CIAO3: variants seen among roughly 807,000 people sequenced by gnomAD.
The protein encoded by CIAO3 is cytosolic iron-sulfur assembly component 3.
In CIAO3, 45 loss-of-function variants were observed where a neutral mutation model predicts 51.5. The ratio of observed to expected loss-of-function variants is 0.87; its 90% confidence interval spans 0.69 to 1.12. The LOEUF (loss-of-function observed/expected upper bound fraction) is 1.12, where lower values mean the gene tolerates loss of function less well. Among genes scored for constraint, CIAO3 ranks in the 50% most tolerant of loss-of-function variants. CIAO3 has a pLI of 0.00. For missense variants in CIAO3, 668 were observed against 632.5 expected, an observed-to-expected ratio of 1.06 and a Z score of -0.60; for synonymous variants, 314 against 269.3, an observed-to-expected ratio of 1.17 and a Z score of -1.63.
Position 730,595 on chromosome 16 carries a change from T to C in CIAO3, c.1253A>G (p.Gln418Arg). 6.2e-7 allele frequency: 1 copy of C among 1,610,880 alleles called. No homozygotes were observed. The highest frequency in any genetic ancestry group is 8.5e-7 in the Non-Finnish European group (1 of 1,179,958). ...CATGCCGTACAGTCTCTCCACGTGC[T>C]GGAGGAGCTCTCTGCTGGGCCTGTC... ...APDRPSRELL[Q>R]HVERLYGMVR... is the part of the protein sequence containing the mutation. The change falls in exon 11 of 11, where the codon CAG (glutamine) becomes CGG (arginine). Residue 418 changes from glutamine to arginine, a missense_variant. Transcript: ENST00000251588.
At chr16:736,850 G>C (rs1596674399) in intron 3 of CIAO3, 2 of 348,592 alleles carry the variant, frequency 5.7e-6, no homozygotes, top group East Asian at 6.5e-5. Flanking sequence ...TTTTAGTAGA[G>C]ACGGGGTTTC....
At chr16:736,986 T>G (rs2041345714) in intron 3 of CIAO3, 200 bp downstream of exon 3, 4 of 652,170 alleles carry the variant, frequency 6.1e-6, no homozygotes, top group Non-Finnish European at 1.0e-5. Context: ...TGATGTATAT[T>G]TAGAACCTGA....
chr16:730,757 T>G (rs1596668699), intron 10 of CIAO3, 86 bp downstream of exon 10: 1 of 1,583,328 alleles, frequency 6.3e-7, no homozygotes. Context: ...TGTGCCCCAC[T>G]TCCTCCCACT....
rs545162531 is a variant in CIAO3 at position 733,801 on chromosome 16, G to A, written c.694-374C>T. The A allele has an allele frequency of 5.6e-4, 208 of 371,694 alleles. 1 individual carries two copies. The highest frequency in any genetic ancestry group is 4.0e-3 in the African/African-American group (192 of 47,978). 23.0% of individuals were successfully genotyped at this position (371,694 alleles called of 1,614,324 possible). ...CGCGTGCAGTCAGGCAAGAGGTGCC[G>A]CAGGGGACATGGGCGCTCGAGGCCC... is the stretch of plus-strand genomic sequence containing the variant. On this transcript the variant is annotated intron_variant, in intron 6 of 10. Coordinates refer to ENST00000251588, the MANE Select transcript of CIAO3 (RefSeq NM_022493.3).
rs571548170 is a variant in CIAO3 at position 730,156 on chromosome 16, C to T, written c.*261G>A. 22 of 564,230 alleles carry T rather than the reference C, an allele frequency of 3.9e-5. No individual in the cohort carries two copies. Among genetic ancestry groups the T allele is most frequent in the South Asian group, 1.9e-4 (9 of 47,132 alleles). The allele number at this position is 564,230 out of a possible 1,614,324, so 35.0% of individuals were successfully genotyped here. A position where few individuals can be genotyped will look rare whatever the true frequency, so the allele number is the denominator to read the frequency against. ...CCTGTGGGCCTCGGCCCAGGGCCAA[C>T]GGAACAGGCTCTGGGACCTCAGGGA... On this transcript the variant is annotated 3_prime_UTR_variant, in exon 11 of 11. Transcript: ENST00000251588.
rs931766421 is a variant in CIAO3, at chr16:737,476, T to C, written c.163-147A>G. ...GCTGAATTTTTAAAAATTAGGTATG[T>C]ATTACAAAAATGCACACGCACGCTC... On this transcript the variant is annotated intron_variant, in intron 2 of 10. Coordinates refer to ENST00000251588, the MANE Select transcript of CIAO3 (RefSeq NM_022493.3). The surrounding 1 kb of genome is among the most constrained non-coding windows in gnomAD (Gnocchi z 5.3). The C allele has an allele frequency of 6.6e-7, 1 of 1,526,438 alleles. No homozygotes were observed. The highest frequency in any genetic ancestry group is 8.8e-7 in the Non-Finnish European group (1 of 1,139,594). The allele number at this position is 1,526,438 out of a possible 1,614,324, so 94.6% of individuals were successfully genotyped here. A position where few individuals can be genotyped will look rare whatever the true frequency, so the allele number is the denominator to read the frequency against.
chr16:739,552 G>A lies in CIAO3; in HGVS notation c.162+91C>T, dbSNP rs72773428. 6.2e-3 allele frequency: 7,913 copies of A among 1,280,546 alleles called. 44 individuals are homozygous for A. The highest frequency in any genetic ancestry group is 7.7e-3 in the Non-Finnish European group (6,792 of 881,758). The allele number at this position is 1,280,546 out of a possible 1,614,324, so 79.3% of individuals were successfully genotyped here. A position where few individuals can be genotyped will look rare whatever the true frequency, so the allele number is the denominator to read the frequency against. On this transcript the variant is annotated intron_variant, in intron 2 of 10. Coordinates refer to ENST00000251588, the MANE Select transcript of CIAO3 (RefSeq NM_022493.3). ...AGACTGGTGAGACCTGGAGTGTCTC[G>A]GGGTCACCGCTCTGTGACGGGAGGA...
rs1469871099 is a variant in CIAO3, at chr16:730,125, G to A, written c.*292C>T. 7 of 525,118 alleles carry A rather than the reference G, an allele frequency of 1.3e-5. No homozygotes were observed. Among genetic ancestry groups the A allele is most frequent in the Admixed American group, 6.8e-5 (2 of 29,358 alleles). 32.5% of individuals were successfully genotyped at this position (525,118 alleles called of 1,614,324 possible). A position where few individuals can be genotyped will look rare whatever the true frequency, so the allele number is the denominator to read the frequency against. On this transcript the variant is annotated 3_prime_UTR_variant, in exon 11 of 11. Transcript: ENST00000251588. ...GGGTGCCCGACCAGCAGCAGCAAGGGCAGCACCTGTGGGCCTCGGCCCAGG... is the reference window on the plus strand; with the variant it reads ...GGGTGCCCGACCAGCAGCAGCAAGGACAGCACCTGTGGGCCTCGGCCCAGG...
intron 6 of CIAO3, chr16:734,020 T>C: frequency 9.0e-6 from 5 of 553,010 alleles, no homozygotes; most frequent in South Asian, 7.8e-5. Context: ...TGCCTCTGGG[T>C]GAGCAGTGAG....
At position 737,553 on chromosome 16, in the gene CIAO3, C is replaced by T; in HGVS notation, c.163-224G>A. ...GCTTCTTGGTACCACTTGGTTAGTG[C>T]ATCCGAATCACAGGACTAAGGCTTG... On this transcript the variant is annotated intron_variant, in intron 2 of 10. Coordinates refer to ENST00000251588, the MANE Select transcript of CIAO3 (RefSeq NM_022493.3). This position sits in a 1 kb window ranked among gnomAD's most constrained non-coding sequence, Gnocchi z 5.3. 2.7e-6 allele frequency: 4 copies of T among 1,495,980 alleles called. No individual in the cohort carries two copies. Among genetic ancestry groups the T allele is most frequent in the African/African-American group, 1.4e-5 (1 of 72,286 alleles). The allele number at this position is 1,495,980 out of a possible 1,614,324, so 92.7% of individuals were successfully genotyped here.
rs1383489728 is a variant in CIAO3 at position 733,437 on chromosome 16, G to C, written c.694-10C>G. 2 of 1,613,466 alleles carry C rather than the reference G, an allele frequency of 1.2e-6. No individual in the cohort carries two copies. Among genetic ancestry groups the C allele is most frequent in the Non-Finnish European group, 1.7e-6 (2 of 1,179,932 alleles). ...TGTCAGGGGTCAAGTGCTACAAGGA[G>C]AAACAAACACTTGTCTCCCCAATCC... On this transcript the variant is annotated splice_polypyrimidine_tract_variant and intron_variant, in intron 6 of 10. Coordinates refer to ENST00000251588, the MANE Select transcript of CIAO3 (RefSeq NM_022493.3).
chr16:730,608 TGCTGG>T lies in CIAO3; in HGVS notation c.1235_1239del (p.Pro412GlnfsTer17). 6.2e-7 allele frequency: 1 copy of T among 1,610,540 alleles called. No individual in the cohort carries two copies. Among genetic ancestry groups the T allele is most frequent in the South Asian group, 1.1e-5 (1 of 91,088 alleles). ...CTCTCCACGTGCTGGAGGAGCTCTC[TGCTGG>T]GCCTGTCTGGGGCCTGGAGCTGGCC... On this transcript the variant is annotated frameshift_variant, in exon 11 of 11. Transcript: ENST00000251588. LOFTEE classifies it low-confidence loss of function (END_TRUNC).
intron 6 of CIAO3, 161 bp from the exon 7 acceptor site, chr16:733,588 T>A (rs1567344148): frequency 1.9e-6 from 2 of 1,065,302 alleles, no homozygotes; most frequent in Non-Finnish European, 2.7e-6. Flanking sequence ...GATGTGTCCC[T>A]GGACAGGACG....
Position 733,461 on chromosome 16 carries a change from C to A in CIAO3, c.694-34G>T, listed in dbSNP as rs140790595. 6.2e-5 allele frequency: 100 copies of A among 1,612,500 alleles called. No homozygotes were observed. In the East Asian group the frequency reaches 2.0e-3, roughly 32 times the overall value. ...AGAAACAAACACTTGTCTCCCCAAT[C>A]CCAGCAGTAAGGTGGCTGAGACGGG... On this transcript the variant is annotated intron_variant, in intron 6 of 10. Coordinates refer to ENST00000251588, the MANE Select transcript of CIAO3 (RefSeq NM_022493.3).
intron 2 of CIAO3, 67 bp downstream of exon 2, chr16:739,576 G>A: frequency 4.1e-6 from 6 of 1,477,902 alleles, no homozygotes; most frequent in East Asian, 2.3e-5. Context: ...GTGACGGGAG[G>A]AAGCAGAGAA....
Position 730,249 on chromosome 16 carries a change from TG to T in CIAO3, c.*167del. 1 of 674,062 alleles carries T rather than the reference TG, an allele frequency of 1.5e-6. No homozygotes were observed. Among genetic ancestry groups the T allele is most frequent in the Non-Finnish European group, 2.5e-6 (1 of 399,864 alleles). 41.8% of individuals were successfully genotyped at this position (674,062 alleles called of 1,614,324 possible). On this transcript the variant is annotated 3_prime_UTR_variant, in exon 11 of 11. Coordinates refer to ENST00000251588, the MANE Select transcript of CIAO3 (RefSeq NM_022493.3). Reference sequence around the variant, plus strand: ...CAGTGGGAACCCAGAGGCACCCAACTGGAGGTGACGAGGCGGCTGCGGGTCC... The same window carrying T: ...CAGTGGGAACCCAGAGGCACCCAACTGAGGTGACGAGGCGGCTGCGGGTCC...
Position 737,166 on chromosome 16 carries a change from C to G in CIAO3, c.306+20G>C, listed in dbSNP as rs748102754. The G allele has an allele frequency of 1.4e-5, 22 of 1,613,240 alleles. No homozygotes were observed. In the African/African-American group the frequency reaches 2.7e-4, roughly 20 times the overall value. The stretch of plus-strand genomic sequence containing the variant: ...TGGATTTCAGGTTAAAGCAGAGTCA[C>G]CAGGCCGACCACTGCTTACCTTGTT... On this transcript the variant is annotated intron_variant, in intron 3 of 10. Transcript: ENST00000251588. This position sits in a 1 kb window ranked among gnomAD's most constrained non-coding sequence, Gnocchi z 5.3.
chr16:735,074 C>T (rs1030556505), intron 4 of CIAO3: 11 of 629,508 alleles, frequency 1.7e-5, no homozygotes, highest in South Asian at 3.0e-5. Flanking sequence ...CCTAAAGCCA[C>T]GTTGCCTCGG....
chr16:739,755 C>T lies in CIAO3; in HGVS notation c.67-17G>A, dbSNP rs1440523725. 6.2e-7 allele frequency: 1 copy of T among 1,611,496 alleles called. No homozygotes were observed. The highest frequency in any genetic ancestry group is 8.5e-7 in the Non-Finnish European group (1 of 1,178,130). The stretch of plus-strand genomic sequence containing the variant: ...GATGCACTCCTAGAGCAGGAAGAGA[C>T]CCCAAATCAGCCCCTGTGAGTGGGC... On this transcript the variant is annotated splice_polypyrimidine_tract_variant and intron_variant, in intron 1 of 10. Transcript: ENST00000251588.
Sources: gnomAD v4.1 joint callset for allele counts on GRCh38, gnomAD v4.1.1 for gene constraint, Gnocchi (gnomAD v3.1) non-coding constraint, MANE v1.5 for transcripts, NCBI Gene and HGNC (gene_info 2026-07-23, HGNC 2026-07-21) for gene names.